GPM6A: variants seen among roughly 807,000 people sequenced by gnomAD.
GPM6A encodes the protein glycoprotein M6A.
Under a neutral mutation model 32.1 loss-of-function variants are expected in GPM6A, and 7 were observed. The ratio of observed to expected loss-of-function variants is 0.22; its 90% CI spans 0.12 to 0.41. GPM6A has a LOEUF of 0.41. Among genes scored for constraint, GPM6A ranks in the 10% least tolerant of loss-of-function variants. GPM6A has a pLI of 1.00. For missense variants in GPM6A, 235 were observed against 347.2 expected (o/e 0.68, Z 2.57); for synonymous variants, 130 against 123.4 (o/e 1.05, Z -0.35).
rs150756308 is a variant in GPM6A at position 175,897,485 on chromosome 4, T to C, written c.-22-85236A>G. ...AAGGGGAGAGGTGAGGAATGGACCTTCCTTCATGCAGTCCAGAGACCAGCA... is the reference window on the plus strand; with the variant it reads ...AAGGGGAGAGGTGAGGAATGGACCTCCCTTCATGCAGTCCAGAGACCAGCA... On this transcript the variant is annotated intron_variant, in intron 1 of 7. Coordinates refer to the GPM6A transcript ENST00000280187. 2.0e-5 allele frequency among the ~76,000 whole-genome samples: 3 copies of C among 152,206 alleles called. No homozygotes were observed. In the East Asian group the frequency reaches 5.8e-4, roughly 29 times the overall value.
chr4:175,987,958 G>A (rs1001843282), intron 1 of GPM6A, among the ~76,000 whole-genome samples: 1 of 151,984 alleles, frequency 6.6e-6, no homozygotes, highest in African/African-American at 2.4e-5. Flanking sequence ...TTTTATGTAA[G>A]CAGAAATTAG....
At chr4:175,869,287 T>C (rs1377217091) in intron 1 of GPM6A, among the ~76,000 whole-genome samples, 6 of 152,200 alleles carry the variant, frequency 3.9e-5, no homozygotes, top group African/African-American at 4.8e-5. Context: ...GTATATCTTG[T>C]TTATTTTCCT....
chr4:175,924,181 T>C (rs998157584), intron 1 of GPM6A, among the ~76,000 whole-genome samples: 1 of 152,208 alleles, frequency 6.6e-6, no homozygotes. Flanking sequence ...TTTTAACACA[T>C]GCTTAAATCT....
At chr4:175,654,090 C>T (rs2110925659) in intron 3 of GPM6A, 1 of 152,256 alleles carries the variant, frequency 6.6e-6, no homozygotes, top group South Asian at 2.1e-4. Context: ...CGGCAATACC[C>T]ATTCACCTCT....
intron 1 of GPM6A, among the ~76,000 whole-genome samples, chr4:175,948,298 A>G (rs991365135): frequency 8.5e-5 from 13 of 152,226 alleles, no homozygotes; most frequent in African/African-American, 2.9e-4. Context: ...TGGAGCTCTC[A>G]TAAATAGAAT....
intron 1 of GPM6A, among the ~76,000 whole-genome samples, chr4:175,775,706 T>C (rs1291441732): frequency 6.6e-6 from 1 of 152,160 alleles, no homozygotes; most frequent in Non-Finnish European, 1.5e-5. Flanking sequence ...CAGGAAAATT[T>C]CTGGTGGTAT....
chr4:175,800,888 G>C (rs1734447051), intron 1 of GPM6A: 1 of 197,390 alleles, frequency 5.1e-6, no homozygotes, highest in South Asian at 6.9e-5. Flanking sequence ...CACATGTATG[G>C]AAAATGATTT....
chr4:175,716,545 T>C (rs79414804), intron 1 of GPM6A, among the ~76,000 whole-genome samples: 60 of 137,688 alleles, frequency 4.4e-4, no homozygotes, highest in Admixed American at 1.2e-3. Flanking sequence ...CTTGGACTTG[T>C]ATTGAATGTA....
intron 6 of GPM6A, among the ~76,000 whole-genome samples, chr4:175,637,624 ATTATAT>A (rs1327317865): frequency 0.12 from 3,667 of 31,834 alleles, 331 homozygotes; most frequent in African/African-American, 0.23. Context: ...TATAATATAT[ATTATAT>A]ATATATTATA....
At chr4:175,997,024 C>T (rs1290496268) in intron 1 of GPM6A, among the ~76,000 whole-genome samples, 3 of 151,996 alleles carry the variant, frequency 2.0e-5, no homozygotes, top group Non-Finnish European at 4.4e-5. Flanking sequence ...AAACCCAAGC[C>T]ACTTCAGGAC....
At chr4:175,660,158 G>T (rs1742322232) in intron 3 of GPM6A, among the ~76,000 whole-genome samples, 1 of 152,080 alleles carries the variant, frequency 6.6e-6, no homozygotes, top group East Asian at 1.9e-4. Flanking sequence ...CCAGCAATTT[G>T]GGAGGCCGAG....
intron 1 of GPM6A, among the ~76,000 whole-genome samples, chr4:175,936,343 A>C (rs1687571420): frequency 7.1e-6 from 1 of 141,578 alleles, no homozygotes; most frequent in East Asian, 2.1e-4. Flanking sequence ...AAAACTATAC[A>C]TTCCTGTTAT....
At chr4:175,820,976 C>T (rs1735261525) in intron 1 of GPM6A, among the ~76,000 whole-genome samples, 1 of 152,032 alleles carries the variant, frequency 6.6e-6, no homozygotes, top group Admixed American at 6.6e-5. Context: ...TTAGTGCATA[C>T]ATTTAAAATT....
intron 1 of GPM6A, among the ~76,000 whole-genome samples, chr4:175,945,716 T>C (rs1284190434): frequency 6.6e-6 from 1 of 151,150 alleles, no homozygotes; most frequent in Non-Finnish European, 1.5e-5. Flanking sequence ...TTATATTACT[T>C]ATAATTAAGT....
At chr4:175,786,296 GTT>G (rs368629281) in intron 1 of GPM6A, among the ~76,000 whole-genome samples, 1 of 141,830 alleles carries the variant, frequency 7.1e-6, no homozygotes, top group African/African-American at 2.6e-5. Context: ...TTTTTGTTTT[GTT>G]TTTTTTTTTT....
chr4:175,869,855 T>G (rs1157717584), intron 1 of GPM6A, among the ~76,000 whole-genome samples: 1 of 152,224 alleles, frequency 6.6e-6, no homozygotes, highest in East Asian at 1.9e-4. Flanking sequence ...CTAGACCTTT[T>G]ACTTTTAATC....
intron 1 of GPM6A, among the ~76,000 whole-genome samples, chr4:175,854,398 G>GA (rs1301635849): frequency 1.3e-5 from 2 of 151,956 alleles, no homozygotes; most frequent in Non-Finnish European, 2.9e-5. Context: ...GGACTCAAGA[G>GA]AAAAAAATAA....
At chr4:175,643,032 G>A (rs1015942129) in intron 4 of GPM6A, among the ~76,000 whole-genome samples, 9 of 151,588 alleles carry the variant, frequency 5.9e-5, no homozygotes, top group South Asian at 4.2e-4. Flanking sequence ...TTTTTCCCCC[G>A]CAAACCCTAC....
chr4:175,809,105 C>T (rs565473862), intron 1 of GPM6A, among the ~76,000 whole-genome samples: 3 of 152,308 alleles, frequency 2.0e-5, no homozygotes, highest in Middle Eastern at 3.4e-3. Context: ...GTGTATTCAC[C>T]AATTCACTCC....
Sources: allele counts gnomAD v4.1 joint callset (sites outside exome capture counted in the v4.1 genomes callset), GRCh38; gene constraint gnomAD v4.1.1; transcripts MANE v1.5; gene names NCBI Gene and HGNC (gene_info 2026-07-23, HGNC 2026-07-21).